Variants in RYR1 observed in about 807,000 individuals in gnomAD.
The protein encoded by RYR1 is central core disease of muscle.
A neutral mutation model predicts 583.5 loss-of-function variants in RYR1; 342 were observed. The ratio of observed to expected loss-of-function variants is 0.59; its 90% CI spans 0.54 to 0.64. The LOEUF (loss-of-function observed/expected upper bound fraction) is 0.64, where lower values mean the gene tolerates loss of function less well. Ranked by LOEUF, RYR1 falls within the 30% of genes least tolerant of loss-of-function variation. The probability of loss-of-function intolerance (pLI) is 0.00; values close to 1 mark genes in which losing one functional copy is unlikely to be tolerated. For missense variants in RYR1, 6,032 were observed against 6,917.2 expected, an observed-to-expected ratio of 0.87 and a Z score of 4.54; for synonymous variants, 2,791 against 2,822.5, an observed-to-expected ratio of 0.99 and a Z score of 0.35.
In RYR1 at chr19:38,463,461, G is replaced by A; in HGVS notation, c.2616G>A (p.Lys872=). The part of the protein sequence containing the change: ...LPPHLERIRE[K]LAENIHELWA... ...CCCATCTGGAGCGCATTCGGGAGAAGCTGGCGGAGAACATCCACGAGCTCT... is the reference window on the plus strand; with the variant it reads ...CCCATCTGGAGCGCATTCGGGAGAAACTGGCGGAGAACATCCACGAGCTCT... The change falls in exon 21 of 106, where the codon AAG becomes AAA. Residue 872 remains lysine, a synonymous_variant. Coordinates refer to ENST00000359596, the MANE Select transcript of RYR1 (RefSeq NM_000540.3). 6.2e-7 allele frequency: 1 copy of A among 1,613,948 alleles called. No individual in the cohort carries two copies. Among genetic ancestry groups the A allele is most frequent in the Non-Finnish European group, 8.5e-7 (1 of 1,180,028 alleles).
At chr19:38,534,895 T>C (rs1482262844) in intron 79 of RYR1, 76 bp downstream of exon 79, 6 of 1,489,214 alleles carry the variant, frequency 4.0e-6, no homozygotes, top group Non-Finnish European at 5.5e-6. Context: ...GCCCATTCCC[T>C]GTGGACCCAT....
intron 31 of RYR1, among the ~76,000 whole-genome samples, chr19:38,479,286 A>G (rs1968896986): frequency 6.6e-6 from 1 of 152,248 alleles, no homozygotes; most frequent in South Asian, 2.1e-4. Flanking sequence ...GGAATCTACT[A>G]TCAATGTTGT....
At chr19:38,526,865 C>G (rs1182835681) in intron 71 of RYR1, 128 bp from the exon 72 acceptor site, 9 of 962,132 alleles carry the variant, frequency 9.4e-6, no homozygotes, top group Non-Finnish European at 1.5e-5. Flanking sequence ...TTGTTTCTCT[C>G]AGACCCCCAC....
intron 29 of RYR1, among the ~76,000 whole-genome samples, chr19:38,476,260 G>A (rs547806856): frequency 2.6e-5 from 4 of 152,134 alleles, no homozygotes; most frequent in East Asian, 3.9e-4. Flanking sequence ...GTGCAGTGGC[G>A]CGATCTCGGC....
At chr19:38,540,137 G>A (rs1300832543) in intron 84 of RYR1, among the ~76,000 whole-genome samples, 1 of 151,990 alleles carries the variant, frequency 6.6e-6, no homozygotes, top group Non-Finnish European at 1.5e-5. Flanking sequence ...TACTTTCAGG[G>A]GCTGTTAAAA....
chr19:38,528,302 C>G lies in RYR1; in HGVS notation c.10825-4C>G. 6.2e-7 allele frequency: 1 copy of G among 1,613,848 alleles called. No homozygotes were observed. Among genetic ancestry groups the G allele is most frequent in the Non-Finnish European group, 8.5e-7 (1 of 1,179,808 alleles). The stretch of plus-strand genomic sequence containing the variant: ...ATGTGACTGTCCTGCTATCCCCTCC[C>G]CAGACCGAGCACCCTTACAAGTCTA... On this transcript the variant is annotated splice_region_variant and splice_polypyrimidine_tract_variant and intron_variant, in intron 73 of 105. Coordinates refer to ENST00000359596, the MANE Select transcript of RYR1 (RefSeq NM_000540.3).
intron 101 of RYR1, 116 bp from the exon 102 acceptor site, chr19:38,584,827 A>G (rs1268113736): frequency 1.4e-5 from 18 of 1,241,928 alleles, no homozygotes; most frequent in Non-Finnish European, 2.0e-5. Flanking sequence ...CTTTGAGGGC[A>G]GGGCCCAGGG....
At chr19:38,509,198 C>T (rs1372178927) in intron 58 of RYR1, among the ~76,000 whole-genome samples, 1 of 152,146 alleles carries the variant, frequency 6.6e-6, no homozygotes, top group Non-Finnish European at 1.5e-5. Context: ...ATTCCCTTCC[C>T]TCTCTAGACC....
Position 38,483,601 on chromosome 19 carries a change from A to G in RYR1, c.4934+85A>G. ...GTCCCACTCAGTGCCCCTCCTCAAC[A>G]CAACCCCGGGATTCCAGACTACACC... On this transcript the variant is annotated intron_variant, in intron 33 of 105. Transcript: ENST00000359596. The surrounding 1 kb of genome is among the most constrained non-coding windows in gnomAD (Gnocchi z 6.3). 1.6e-6 allele frequency: 2 copies of G among 1,221,968 alleles called. No homozygotes were observed. Among genetic ancestry groups the G allele is most frequent in the South Asian group, 2.6e-5 (2 of 76,488 alleles). 75.7% of individuals were successfully genotyped at this position (1,221,968 alleles called of 1,614,324 possible). A position where few individuals can be genotyped will look rare whatever the true frequency, so the allele number is the denominator to read the frequency against.
chr19:38,520,940 C>G (rs1971200962), intron 67 of RYR1, among the ~76,000 whole-genome samples: 1 of 152,016 alleles, frequency 6.6e-6, no homozygotes, highest in African/African-American at 2.4e-5. Flanking sequence ...AAGAAATAAA[C>G]TACATATTTT....
In RYR1 at chr19:38,477,824, G is replaced by GT; in HGVS notation, c.4409dup (p.Val1471ArgfsTer8). 6.2e-7 allele frequency: 1 copy of GT among 1,613,278 alleles called. No individual in the cohort carries two copies. The highest frequency in any genetic ancestry group is 8.5e-7 in the Non-Finnish European group (1 of 1,179,636). ...GAGCTTCGACCTCAGCAAGGTCCGG[G>GT]TCGTGACGGTGACCATGGGGGATGA... On this transcript the variant is annotated frameshift_variant, in exon 30 of 106. Coordinates refer to ENST00000359596, the MANE Select transcript of RYR1 (RefSeq NM_000540.3). LOFTEE classifies it high-confidence loss of function.
chr19:38,517,380 T>A lies in RYR1; in HGVS notation c.9707T>A (p.Val3236Glu). The A allele has an allele frequency of 6.2e-7, 1 of 1,613,826 alleles. No homozygotes were observed. The highest frequency in any genetic ancestry group is 2.2e-5 in the East Asian group (1 of 44,870). ...ERAILGLPNS[V>E]EEMCPDIPVL... ...CCAGTCCTGGGGCTCCCCAACAGTG[T>A]GGAGGAGATGTGTCCCGACATCCCG... Residue 3236 changes from valine (V) to glutamate (E), a missense_variant, in exon 66 of 106, where the codon GTG (valine) becomes GAG (glutamate). Around this residue, in one of 11 missense-constraint regions of RYR1, gnomAD observed 1,493 missense variants for 1,715.5 expected, o/e 0.87. Transcript: ENST00000359596.
chr19:38,523,123 C>T lies in RYR1; in HGVS notation c.10347+8C>T, dbSNP rs757633563. 65 of 1,613,518 alleles carry T rather than the reference C, an allele frequency of 4.0e-5. No homozygotes were observed. The highest frequency in any genetic ancestry group is 5.3e-5 in the Non-Finnish European group (63 of 1,179,832). Reference sequence around the variant, plus strand: ...TACTGGTCCAAGTCCCACGTGAGTGCCCACCCCAACCGCCCTCCCCACAAC... The same window carrying T: ...TACTGGTCCAAGTCCCACGTGAGTGTCCACCCCAACCGCCCTCCCCACAAC... On this transcript the variant is annotated splice_region_variant and intron_variant, in intron 68 of 105. Transcript: ENST00000359596.
At chr19:38,553,219 C>T (rs942618668) in intron 89 of RYR1, among the ~76,000 whole-genome samples, 5 of 150,936 alleles carry the variant, frequency 3.3e-5, no homozygotes, top group East Asian at 2.0e-4. Flanking sequence ...CCTGTAATCC[C>T]GGCTACTCAG....
At chr19:38,564,854 G>C in intron 90 of RYR1, 105 bp from the exon 91 acceptor site, 3 of 1,518,590 alleles carry the variant, frequency 2.0e-6, no homozygotes, top group Non-Finnish European at 2.6e-6. Flanking sequence ...AATGCATTTA[G>C]AACAGCGCCT....
intron 34 of RYR1, among the ~76,000 whole-genome samples, chr19:38,486,934 C>T (rs1969327417): frequency 6.6e-6 from 1 of 152,184 alleles, no homozygotes. Flanking sequence ...CCACTCCATT[C>T]ATTCATTCAT....
rs1209195941 is a variant in RYR1, at chr19:38,500,057, G to A, written c.7323+41G>A. ...AGGGCAGGATGGGAAGGGAGGGCAG[G>A]CACAGCCGCTTTGAACGCCTCATGC... On this transcript the variant is annotated intron_variant, in intron 45 of 105. Coordinates refer to ENST00000359596, the MANE Select transcript of RYR1 (RefSeq NM_000540.3). This position sits in a 1 kb window ranked among gnomAD's most constrained non-coding sequence, Gnocchi z 5.9. 2 of 1,581,568 alleles carry A rather than the reference G, an allele frequency of 1.3e-6. No homozygotes were observed. The highest frequency in any genetic ancestry group is 1.7e-4 in the Middle Eastern group (1 of 5,920).
In RYR1 at chr19:38,483,538, CA is replaced by C. The variant is rs1217364579; in HGVS notation, c.4934+23del. On this transcript the variant is annotated intron_variant, in intron 33 of 105. Transcript: ENST00000359596. This position sits in a 1 kb window ranked among gnomAD's most constrained non-coding sequence, Gnocchi z 6.3. The stretch of plus-strand genomic sequence containing the variant: ...ACCGGTCAGGGCCAGCCCAGCTATG[CA>C]GGGGTGGGCAGGTGTTGCAAGCCCT... 6.5e-7 allele frequency: 1 copy of C among 1,533,056 alleles called. No individual in the cohort carries two copies. Among genetic ancestry groups the C allele is most frequent in the Admixed American group, 2.0e-5 (1 of 50,954 alleles). The allele number at this position is 1,533,056 out of a possible 1,614,324, so 95.0% of individuals were successfully genotyped here.
At chr19:38,446,883 G>GA in intron 9 of RYR1, 115 bp downstream of exon 9, 1 of 784,250 alleles carries the variant, frequency 1.3e-6, no homozygotes, top group Non-Finnish European at 2.0e-6. Context: ...GGTCTCGAGG[G>GA]AAAATCAGAG....
Sources: allele counts gnomAD v4.1 joint callset (sites outside exome capture counted in the v4.1 genomes callset), GRCh38; gene constraint gnomAD v4.1.1; regional missense constraint gnomAD v4.1.1; non-coding constraint Gnocchi (gnomAD v3.1); transcripts MANE v1.5; gene names NCBI Gene and HGNC (gene_info 2026-07-23, HGNC 2026-07-21).